The following INPP4B variants were observed in gnomAD, a reference collection of about 807,000 sequenced individuals.
The protein encoded by INPP4B is inositol polyphosphate-4-phosphatase type II B, also known as inositol polyphosphate 4-phosphatase type II.
Under a neutral mutation model 122.5 loss-of-function variants are expected in INPP4B, and 55 were observed. The ratio of observed to expected loss-of-function variants is 0.45; its 90% CI spans 0.36 to 0.56. The LOEUF (loss-of-function observed/expected upper bound fraction) is 0.56, where lower values mean the gene tolerates loss of function less well. Among genes scored for constraint, INPP4B ranks in the 20% least tolerant of loss-of-function variants. The pLI, the probability that INPP4B is intolerant of heterozygous loss-of-function variation, is 0.00. For synonymous variants in INPP4B, 403 were observed against 388.7 expected (o/e 1.04, Z -0.43); for missense variants, 1,000 against 1,097.7 (o/e 0.91, Z 1.26).
intron 2 of INPP4B, among the ~76,000 whole-genome samples, chr4:142,647,644 A>G (rs1246182457): frequency 6.6e-6 from 1 of 152,296 alleles, no homozygotes; most frequent in East Asian, 1.9e-4. Context: ...AGCTAGAGAG[A>G]GGGAGCACAG....
At chr4:142,046,993 A>C (rs911270034) in intron 25 of INPP4B, among the ~76,000 whole-genome samples, 8 of 152,098 alleles carry the variant, frequency 5.3e-5, no homozygotes, top group Non-Finnish European at 1.0e-4. Context: ...TTTATCTCAG[A>C]TACATTTTTT....
At chr4:142,658,899 G>A (rs1239140439) in intron 2 of INPP4B, among the ~76,000 whole-genome samples, 3 of 152,058 alleles carry the variant, frequency 2.0e-5, no homozygotes, top group Admixed American at 2.0e-4. Context: ...CAACTCACAG[G>A]TGTTTGAAGA....
intron 14 of INPP4B, among the ~76,000 whole-genome samples, chr4:142,203,288 G>T (rs896823677): frequency 6.6e-6 from 1 of 152,048 alleles, no homozygotes; most frequent in African/African-American, 2.4e-5. Flanking sequence ...TAGTACTATA[G>T]ATTACAACAG....
intron 2 of INPP4B, among the ~76,000 whole-genome samples, chr4:142,720,199 C>T (rs1436618099): frequency 1.3e-5 from 2 of 152,094 alleles, no homozygotes; most frequent in Non-Finnish European, 2.9e-5. Context: ...TATTTTATGC[C>T]TGCACTCCTA....
In INPP4B at chr4:142,258,284, C is replaced by T. The variant is rs374557312; in HGVS notation, c.688+2208G>A. ...AACCTAGGCATTACCATTCAGGACA[C>T]AGGCATGGGCAAGGACTTCATGTCT... is the stretch of plus-strand genomic sequence containing the variant. On this transcript the variant is annotated intron_variant, in intron 11 of 25. Coordinates refer to ENST00000262992, the MANE Select transcript of INPP4B (RefSeq NM_001101669.3). Among the ~76,000 whole-genome samples, 1,340 of 152,000 alleles carry T rather than the reference C, an allele frequency of 8.8e-3. 15 individuals carry two copies. The highest frequency in any genetic ancestry group is 0.03 in the African/African-American group (1,259 of 41,360).
At chr4:142,702,730 CA>C (rs35472471) in intron 2 of INPP4B, among the ~76,000 whole-genome samples, 30,510 of 66,864 alleles carry the variant, frequency 0.46, 2,962 homozygotes, top group East Asian at 0.54. Context: ...AACTCCGTCT[CA>C]AAAAAAAAAA....
chr4:142,241,689 G>T (rs1859483323), intron 11 of INPP4B, among the ~76,000 whole-genome samples: 1 of 152,158 alleles, frequency 6.6e-6, no homozygotes, highest in Non-Finnish European at 1.5e-5. Flanking sequence ...GGGCAGAAAA[G>T]ATAAATCAAA....
intron 7 of INPP4B, among the ~76,000 whole-genome samples, chr4:142,350,570 T>G (rs898060780): frequency 1.3e-5 from 2 of 152,032 alleles, no homozygotes. Flanking sequence ...ATAAGTATAT[T>G]ATTCATAAAC....
intron 2 of INPP4B, among the ~76,000 whole-genome samples, chr4:142,659,674 A>G (rs575938536): frequency 6.6e-6 from 1 of 152,150 alleles, no homozygotes; most frequent in South Asian, 2.1e-4. Flanking sequence ...TAGGATGCCC[A>G]TCACTCGGAG....
intron 2 of INPP4B, among the ~76,000 whole-genome samples, chr4:142,584,958 G>C (rs936073168): frequency 2.6e-5 from 4 of 152,112 alleles, no homozygotes; most frequent in African/African-American, 9.7e-5. Flanking sequence ...TGAGTTATAA[G>C]CCAATTACTT....
intron 11 of INPP4B, among the ~76,000 whole-genome samples, chr4:142,246,807 G>A (rs181013397): frequency 1.3e-5 from 2 of 152,166 alleles, no homozygotes; most frequent in East Asian, 3.9e-4. Flanking sequence ...TTGCCTGATT[G>A]CCCTGGCCAG....
intron 17 of INPP4B, among the ~76,000 whole-genome samples, chr4:142,150,667 A>C (rs115137084): frequency 6.6e-6 from 1 of 152,134 alleles, no homozygotes; most frequent in Non-Finnish European, 1.5e-5. Context: ...TTACAACCTA[A>C]GGTAACATGC....
chr4:142,256,041 T>C (rs1418571473), intron 11 of INPP4B, among the ~76,000 whole-genome samples: 1 of 150,756 alleles, frequency 6.6e-6, no homozygotes, highest in Non-Finnish European at 1.5e-5. Context: ...GAACTCAGGA[T>C]TAAGAATCTC....
At chr4:142,243,203 T>A (rs530242669) in intron 11 of INPP4B, among the ~76,000 whole-genome samples, 1 of 152,368 alleles carries the variant, frequency 6.6e-6, no homozygotes, top group Admixed American at 6.5e-5. Context: ...ACTTTTTGAC[T>A]ATTATCACTG....
intron 10 of INPP4B, among the ~76,000 whole-genome samples, chr4:142,268,893 G>C (rs11943244): frequency 6.6e-6 from 1 of 151,930 alleles, no homozygotes; most frequent in South Asian, 2.1e-4. Context: ...TTCCCCCGAC[G>C]AACAGATAGC....
intron 2 of INPP4B, among the ~76,000 whole-genome samples, chr4:142,527,102 T>A (rs6537108): frequency 6.6e-6 from 1 of 151,808 alleles, no homozygotes; most frequent in African/African-American, 2.4e-5. Flanking sequence ...ATGCCCAATA[T>A]GAAATTCGAC....
intron 7 of INPP4B, among the ~76,000 whole-genome samples, chr4:142,369,163 G>A (rs560834972): frequency 6.6e-6 from 1 of 152,176 alleles, no homozygotes; most frequent in East Asian, 1.9e-4. Flanking sequence ...TGCACTCTTG[G>A]GGTTTTGATT....
At chr4:142,784,257 G>A (rs1475959246) in intron 1 of INPP4B, among the ~76,000 whole-genome samples, 1 of 151,894 alleles carries the variant, frequency 6.6e-6, no homozygotes. Context: ...CAGCTACTCA[G>A]GACGATGAGG....
intron 7 of INPP4B, among the ~76,000 whole-genome samples, chr4:142,331,928 G>A (rs1365841018): frequency 2.6e-5 from 4 of 151,514 alleles, no homozygotes; most frequent in African/African-American, 7.3e-5. Flanking sequence ...GGGGTGGAGG[G>A]GGAAAACCTA....
Sources: gnomAD v4.1 joint callset for allele counts (sites outside exome capture counted in the v4.1 genomes callset) on GRCh38, gnomAD v4.1.1 for gene constraint, MANE v1.5 for transcripts, NCBI Gene and HGNC (gene_info 2026-07-23, HGNC 2026-07-21) for gene names.